Variants in TRIM66 observed in about 807,000 individuals in gnomAD.
TRIM66 encodes tripartite motif containing 66.
Under a neutral mutation model 148.2 loss-of-function variants are expected in TRIM66, and 99 were observed. That is an observed-to-expected ratio of 0.67 (90% CI 0.57 to 0.79). The LOEUF (loss-of-function observed/expected upper bound fraction) is 0.79, where lower values mean the gene tolerates loss of function less well. Ranked by LOEUF, TRIM66 falls within the 30% of genes least tolerant of loss-of-function variation. TRIM66 has a pLI of 0.00. For missense variants in TRIM66, 1,666 were observed against 1,697.9 expected, an observed-to-expected ratio of 0.98 and a Z score of 0.33; for synonymous variants, 616 against 635.9, an observed-to-expected ratio of 0.97 and a Z score of 0.47.
intron 14 of TRIM66, among the ~76,000 whole-genome samples, chr11:8,639,501 A>G (rs2036183848): frequency 1.3e-5 from 2 of 152,206 alleles, no homozygotes; most frequent in Non-Finnish European, 2.9e-5. Flanking sequence ...TGCACCATCC[A>G]ATATCCTCCT....
chr11:8,681,817 T>C (rs2133596406), intron 1 of TRIM66, among the ~76,000 whole-genome samples: 1 of 152,140 alleles, frequency 6.6e-6, no homozygotes, highest in African/African-American at 2.4e-5. Flanking sequence ...CTAGATTGTG[T>C]GGTGGTACAG....
intron 18 of TRIM66, 126 bp downstream of exon 18, chr11:8,622,690 G>A: frequency 2.4e-6 from 2 of 825,336 alleles, no homozygotes; most frequent in East Asian, 2.7e-5. Context: ...TTGAGGGGTT[G>A]AGGAAGGCAG....
chr11:8,668,407 T>C (rs1013136410), intron 6 of TRIM66, among the ~76,000 whole-genome samples: 5 of 152,044 alleles, frequency 3.3e-5, no homozygotes, highest in African/African-American at 9.7e-5. Context: ...GAGTAGTTCT[T>C]CTGCTTCAGT....
intron 15 of TRIM66, among the ~76,000 whole-genome samples, chr11:8,637,910 G>C (rs1336394411): frequency 6.6e-6 from 1 of 152,198 alleles, no homozygotes; most frequent in South Asian, 2.1e-4. Context: ...CAGGGGTTGG[G>C]GGTGAAGGGG....
chr11:8,631,415 T>G (rs547710998), intron 15 of TRIM66, among the ~76,000 whole-genome samples: 4 of 152,346 alleles, frequency 2.6e-5, no homozygotes, highest in African/African-American at 9.6e-5. Flanking sequence ...AAAATGCAAT[T>G]GGCTTAAAAA....
At chr11:8,625,619 G>A (rs1419201478) in intron 15 of TRIM66, among the ~76,000 whole-genome samples, 3 of 152,102 alleles carry the variant, frequency 2.0e-5, no homozygotes, top group African/African-American at 7.2e-5. Flanking sequence ...CCTAAGCAAA[G>A]GGTCCGGCTG....
intron 6 of TRIM66, among the ~76,000 whole-genome samples, chr11:8,661,071 G>C (rs958339658): frequency 6.6e-6 from 1 of 152,144 alleles, no homozygotes; most frequent in African/African-American, 2.4e-5. Flanking sequence ...GGAGTGATCA[G>C]GGTCAAAGCT....
chr11:8,655,902 A>C (rs2037788628), intron 6 of TRIM66, among the ~76,000 whole-genome samples: 1 of 152,268 alleles, frequency 6.6e-6, no homozygotes, highest in East Asian at 1.9e-4. Flanking sequence ...TCAGGGAACA[A>C]GCTCGTAGTT....
intron 15 of TRIM66, among the ~76,000 whole-genome samples, chr11:8,628,636 A>AAAAAAAAAAAAAAAAAAAAAGAGAGAGAG (rs1555042270): frequency 1.1e-5 from 1 of 93,338 alleles, no homozygotes; most frequent in Non-Finnish European, 2.3e-5. Flanking sequence ...AAAAAAAAAA[A>AAAAAAAAAAAAAAAAAAAAAGAGAGAGAG]AGAGAGAGAA....
Position 8,672,084 on chromosome 11 carries a change from A to G in TRIM66, c.42T>C (p.Ala14=). The change falls in exon 6 of 25, where the codon GCT becomes GCC. Residue 14 remains alanine, a synonymous_variant. Transcript: ENST00000646038. ...LSFWSQGVEL[A]RSTRCFSPED... ...CAGGTGAGAAGCAGCGTGTAGAGCG[A>G]GCCAGCTCCACTCCCTGTAAGTGAA... The G allele has an allele frequency of 6.6e-7, 1 of 1,524,736 alleles. No homozygotes were observed. The highest frequency in any genetic ancestry group is 8.8e-7 in the Non-Finnish European group (1 of 1,141,242). 94.5% of individuals were successfully genotyped at this position (1,524,736 alleles called of 1,614,324 possible).
intron 15 of TRIM66, among the ~76,000 whole-genome samples, chr11:8,634,848 T>C (rs2035739859): frequency 6.6e-6 from 1 of 152,228 alleles, no homozygotes; most frequent in Non-Finnish European, 1.5e-5. Context: ...ATACAGTCAG[T>C]GTGGAACTCG....
intron 10 of TRIM66, among the ~76,000 whole-genome samples, chr11:8,646,963 C>T (rs1263790705): frequency 7.1e-5 from 8 of 112,706 alleles, no homozygotes; most frequent in African/African-American, 2.8e-4. Context: ...TTCTGAGGGC[C>T]GGGGGGTGTT....
At chr11:8,641,688 G>A (rs1306179252) in intron 13 of TRIM66, among the ~76,000 whole-genome samples, 2 of 152,182 alleles carry the variant, frequency 1.3e-5, no homozygotes, top group South Asian at 2.1e-4. Flanking sequence ...CAAATCTCAT[G>A]TTGAATTGTA....
rs1591989297 is a variant in TRIM66, at chr11:8,617,740, G to T, written c.*204C>A. The T allele has an allele frequency of 1.1e-5, 6 of 560,974 alleles. No homozygotes were observed. In the East Asian group the frequency reaches 1.7e-4, roughly 16 times the overall value. 34.7% of individuals were successfully genotyped at this position (560,974 alleles called of 1,614,324 possible). ...AATAATAAATACCTTCCTCTTTCCTGTTTATTACTGAAATCTTCTCTGTAG... is the reference window on the plus strand; with the variant it reads ...AATAATAAATACCTTCCTCTTTCCTTTTTATTACTGAAATCTTCTCTGTAG... On this transcript the variant is annotated 3_prime_UTR_variant, in exon 25 of 25. Transcript: ENST00000646038.
Position 8,621,813 on chromosome 11 carries a change from G to A in TRIM66, c.3087C>T (p.Phe1029=). 6.5e-7 allele frequency: 1 copy of A among 1,543,840 alleles called. No homozygotes were observed. Among genetic ancestry groups the A allele is most frequent in the Non-Finnish European group, 8.7e-7 (1 of 1,144,212 alleles). ...DAKENQSIRA[F]NSEHKIPYVR... is the part of the protein sequence containing the mutation. ...CATAGGGAATCTTATGCTCACTATTGAAGGCTCTGCAGCAAGACAGACACC... is the reference window on the plus strand; with the variant it reads ...CATAGGGAATCTTATGCTCACTATTAAAGGCTCTGCAGCAAGACAGACACC... Residue 1029 remains phenylalanine, a synonymous_variant, in exon 19 of 25, where the codon TTC becomes TTT. Transcript: ENST00000646038.
chr11:8,666,355 A>AAG (rs2038597189), intron 6 of TRIM66, among the ~76,000 whole-genome samples: 5 of 142,986 alleles, frequency 3.5e-5, no homozygotes, highest in Admixed American at 6.9e-5. Context: ...AAAAAAAAAA[A>AAG]AAAAAAAAAA....
chr11:8,661,790 C>G (rs943159272), intron 6 of TRIM66, among the ~76,000 whole-genome samples: 10 of 152,194 alleles, frequency 6.6e-5, no homozygotes, highest in African/African-American at 2.4e-4. Context: ...GCACTCAACC[C>G]TAACCACTCC....
At position 8,640,763 on chromosome 11, in the gene TRIM66, C is replaced by A. The variant is rs202229005; in HGVS notation, c.1612G>T (p.Val538Leu). The A allele has an allele frequency of 2.0e-5, 31 of 1,551,308 alleles. No individual in the cohort carries two copies. The African/African-American group carries it at 3.7e-4, about 18-fold the overall frequency. The change falls in exon 14 of 25, where the codon GTG becomes TTG. Residue 538 changes from valine to leucine, a missense_variant. By Grantham distance (32) the Val-to-Leu change is conservative (BLOSUM62 1). Around this residue, in one of 3 missense-constraint regions of TRIM66, gnomAD observed 1,431 missense variants for 1,412.4 expected, o/e 1.01. Transcript: ENST00000646038. Reference sequence around the variant, plus strand: ...CGCTGGGATGTGCTCTCCTGCTCCACGGGGGGCTGGGTTTCCAGCCAGGGC... The same window carrying A: ...CGCTGGGATGTGCTCTCCTGCTCCAAGGGGGGCTGGGTTTCCAGCCAGGGC... ...LQPWLETQPP[V>L]EQESTSQRLG...
Position 8,664,137 on chromosome 11 carries a change from C to T in TRIM66, c.340+7649G>A, listed in dbSNP as rs996949135. 2.6e-5 allele frequency among the ~76,000 whole-genome samples: 4 copies of T among 152,144 alleles called. No individual in the cohort carries two copies. The East Asian group carries it at 7.7e-4, about 29-fold the overall frequency. ...CAAGAGAGTAGATGTAAAGTGTTCT[C>T]ACCACCAAAATGATAACTATGTGAG... On this transcript the variant is annotated intron_variant, in intron 6 of 24. Coordinates refer to ENST00000646038, the MANE Select transcript of TRIM66 (RefSeq NM_001388022.1).
Sources: allele counts gnomAD v4.1 joint callset (sites outside exome capture counted in the v4.1 genomes callset), GRCh38; gene constraint gnomAD v4.1.1; regional missense constraint gnomAD v4.1.1; transcripts MANE v1.5; gene names NCBI Gene and HGNC (gene_info 2026-07-23, HGNC 2026-07-21).